NFXL1: variants seen among roughly 807,000 people sequenced by gnomAD.
The protein encoded by NFXL1 is NF-X1-type zinc finger protein NFXL1.
In NFXL1, 66 loss-of-function variants were observed where a neutral mutation model predicts 123.3. The observed-to-expected ratio is 0.54, with a 90% CI of 0.44 to 0.66. The LOEUF is 0.66. Ranked by LOEUF, NFXL1 falls within the 30% of genes least tolerant of loss-of-function variation. NFXL1 has a pLI of 0.00. For synonymous variants in NFXL1, 346 were observed against 360.8 expected, an observed-to-expected ratio of 0.96 and a Z score of 0.46; for missense variants, 944 against 1,125.6, an observed-to-expected ratio of 0.84 and a Z score of 2.31.
intron 20 of NFXL1, 21 bp from the exon 21 acceptor site, chr4:47,851,963 A>G: frequency 1.3e-6 from 2 of 1,554,508 alleles, no homozygotes; most frequent in Non-Finnish European, 1.8e-6. Context: ...CCCGATTTTC[A>G]AATTTTAAAT....
At chr4:47,898,922 T>C in intron 7 of NFXL1, 37 bp downstream of exon 7, 8 of 1,612,048 alleles carry the variant, frequency 5.0e-6, no homozygotes, top group Non-Finnish European at 6.8e-6. Context: ...TGACTTTTGC[T>C]TAAAGTCAGA....
intron 15 of NFXL1, among the ~76,000 whole-genome samples, chr4:47,881,070 T>C (rs560262595): frequency 1.3e-5 from 2 of 152,152 alleles, no homozygotes; most frequent in East Asian, 3.9e-4. Context: ...CTGTTATCTA[T>C]TGTTAACTAT....
chr4:47,866,905 G>A (rs763636733), intron 18 of NFXL1, among the ~76,000 whole-genome samples: 54 of 152,296 alleles, frequency 3.5e-4, no homozygotes, highest in South Asian at 6.2e-4. Flanking sequence ...GAACTTCTCT[G>A]GTTGGAAACA....
At position 47,914,007 on chromosome 4, in the gene NFXL1, G is replaced by A. The variant is rs1344961972; in HGVS notation, c.197C>T (p.Pro66Leu). ...AGTCTGCAGGGCTTGGGATCCTGCG[G>A]GGCTGTGCCTGCTCCCTGCAGCCGC... ...TTAAAGSRHSPAGSQALQTTA... is the reference protein window; with the variant it reads ...TTAAAGSRHSLAGSQALQTTA... Residue 66 changes from proline to leucine, a missense_variant, in exon 2 of 23, where the codon CCC becomes CTC. Pro to Leu is a moderately conservative substitution (Grantham distance 98). Around this residue, in one of 4 missense-constraint regions of NFXL1, gnomAD observed 303 missense variants for 292.1 expected, o/e 1.04. Coordinates refer to ENST00000507489, the MANE Select transcript of NFXL1 (RefSeq NM_001278624.2). The A allele has an allele frequency of 6.5e-7, 1 of 1,548,360 alleles. No individual in the cohort carries two copies. The highest frequency in any genetic ancestry group is 1.2e-5 in the South Asian group (1 of 83,984).
In NFXL1 at chr4:47,864,806, G is replaced by A. The variant is rs151310451; in HGVS notation, c.2247-1891C>T. On this transcript the variant is annotated intron_variant, in intron 18 of 22. Coordinates refer to ENST00000507489, the MANE Select transcript of NFXL1 (RefSeq NM_001278624.2). ...CCTCACTCTATGTATCTCTTCATCT[G>A]TATACTTTGCAATATCCTTTATAAT... Among the ~76,000 whole-genome samples the A allele has an allele frequency of 2.0e-5, 3 of 152,292 alleles. No individual in the cohort carries two copies. In the East Asian group the frequency reaches 5.8e-4, roughly 29 times the overall value.
At chr4:47,850,734 T>A (rs1734069921) in intron 22 of NFXL1, among the ~76,000 whole-genome samples, 1 of 152,082 alleles carries the variant, frequency 6.6e-6, no homozygotes, top group East Asian at 1.9e-4. Flanking sequence ...CAAATACTTT[T>A]AGTTAAGTAA....
At chr4:47,865,002 T>C (rs1177985376) in intron 18 of NFXL1, among the ~76,000 whole-genome samples, 11 of 152,170 alleles carry the variant, frequency 7.2e-5, no homozygotes, top group African/African-American at 2.4e-4. Flanking sequence ...CTTGTGGGAC[T>C]AAGCCCTCAA....
At chr4:47,886,946 C>T (rs1311001256) in intron 12 of NFXL1, among the ~76,000 whole-genome samples, 12 of 152,122 alleles carry the variant, frequency 7.9e-5, no homozygotes, top group Admixed American at 7.9e-4. Flanking sequence ...CAAGCACAGT[C>T]AATTTTCCAT....
At chr4:47,898,718 C>G (rs1272029150) in intron 8 of NFXL1, 39 bp downstream of exon 8, 1 of 1,292,228 alleles carries the variant, frequency 7.7e-7, no homozygotes, top group Non-Finnish European at 1.1e-6. Context: ...GCTTTCTGTA[C>G]TCTTTAATAC....
At chr4:47,852,744 C>G (rs12504018) in intron 20 of NFXL1, among the ~76,000 whole-genome samples, 51,799 of 151,788 alleles carry the variant, frequency 0.34, 9,244 homozygotes, top group East Asian at 0.59. Context: ...TTTTAGACTG[C>G]CTTTTGTAGT....
intron 22 of NFXL1, among the ~76,000 whole-genome samples, chr4:47,849,823 G>A (rs1734015115): frequency 6.6e-6 from 1 of 152,014 alleles, no homozygotes; most frequent in Non-Finnish European, 1.5e-5. Context: ...AAATAGTGGA[G>A]GATTTGCAAA....
At chr4:47,886,297 G>C (rs532168188) in intron 12 of NFXL1, among the ~76,000 whole-genome samples, 2 of 152,200 alleles carry the variant, frequency 1.3e-5, no homozygotes, top group African/African-American at 4.8e-5. Flanking sequence ...GTTTAATGAT[G>C]TAAGTTTTGG....
intron 1 of NFXL1, 26 bp from the exon 2 acceptor site, chr4:47,914,231 G>C: frequency 1.5e-6 from 2 of 1,294,086 alleles, no homozygotes; most frequent in South Asian, 3.0e-5. Context: ...AAAAAAAAAA[G>C]AGTGGAAGGA....
chr4:47,883,915 C>A (rs888255597), intron 15 of NFXL1, among the ~76,000 whole-genome samples: 1 of 152,202 alleles, frequency 6.6e-6, no homozygotes, highest in South Asian at 2.1e-4. Context: ...ACTGGCCCAT[C>A]CAGGAAACTA....
At chr4:47,902,923 T>G (rs1438062710) in intron 5 of NFXL1, among the ~76,000 whole-genome samples, 2 of 152,110 alleles carry the variant, frequency 1.3e-5, no homozygotes, top group Non-Finnish European at 2.9e-5. Flanking sequence ...TGGGATTTTT[T>G]GGGGTGGGTC....
intron 2 of NFXL1, among the ~76,000 whole-genome samples, chr4:47,913,753 A>T (rs942768334): frequency 6.6e-6 from 1 of 152,226 alleles, no homozygotes; most frequent in Admixed American, 6.5e-5. Context: ...AACAAAGGTA[A>T]TACCACCTAA....
At chr4:47,855,019 C>T in intron 20 of NFXL1, 40 bp downstream of exon 20, 1 of 862,606 alleles carries the variant, frequency 1.2e-6, no homozygotes, top group South Asian at 1.9e-5. Context: ...ACAAAAACAA[C>T]TTATATAGAA....
At position 47,898,775 on chromosome 4, in the gene NFXL1, TG is replaced by T; in HGVS notation, c.1070del (p.Pro357HisfsTer145). On this transcript the variant is annotated frameshift_variant, in exon 8 of 23. Coordinates refer to ENST00000507489, the MANE Select transcript of NFXL1 (RefSeq NM_001278624.2). LOFTEE classifies it high-confidence loss of function. ...KKVAERSCAS[P>X]LWHCDQVCGK... Reference sequence around the variant, plus strand: ...AACTTACTTGATCACAGTGCCATAGTGGACTTGCACAACTTCTTTCAGCTAC... The same window carrying T: ...AACTTACTTGATCACAGTGCCATAGTGACTTGCACAACTTCTTTCAGCTAC... 1 of 1,610,174 alleles carries T rather than the reference TG, an allele frequency of 6.2e-7. No homozygotes were observed. Among genetic ancestry groups the T allele is most frequent in the Non-Finnish European group, 8.5e-7 (1 of 1,176,386 alleles).
chr4:47,899,789 A>G (rs1473203251), intron 5 of NFXL1, among the ~76,000 whole-genome samples: 1 of 152,270 alleles, frequency 6.6e-6, no homozygotes, highest in African/African-American at 2.4e-5. Context: ...TGTCCAATAC[A>G]GTAGCAATTA....
Sources: allele counts gnomAD v4.1 joint callset (sites outside exome capture counted in the v4.1 genomes callset), GRCh38; gene constraint gnomAD v4.1.1; regional missense constraint gnomAD v4.1.1; transcripts MANE v1.5; gene names NCBI Gene and HGNC (gene_info 2026-07-23, HGNC 2026-07-21).